Variants in DLST observed in about 807,000 individuals in gnomAD.
DLST encodes dihydrolipoyllysine-residue succinyltransferase component of 2-oxoglutarate dehydrogenase complex, mitochondrial.
Under a neutral mutation model 53.1 loss-of-function variants are expected in DLST, and 17 were observed. The observed-to-expected ratio is 0.32, with a 90% CI of 0.22 to 0.48. The LOEUF (loss-of-function observed/expected upper bound fraction) is 0.48, where lower values mean the gene tolerates loss of function less well. Among genes scored for constraint, DLST ranks in the 20% least tolerant of loss-of-function variants. The pLI, the probability that DLST is intolerant of heterozygous loss-of-function variation, is 0.99. For synonymous variants in DLST, 206 were observed against 204.8 expected, an observed-to-expected ratio of 1.01 and a Z score of -0.05; for missense variants, 512 against 583.9, an observed-to-expected ratio of 0.88 and a Z score of 1.27.
chr14:74,886,947 C>T (rs115034700), intron 3 of DLST, among the ~76,000 whole-genome samples: 1,629 of 152,010 alleles, frequency 0.011, 35 homozygotes, highest in African/African-American at 0.038. Context: ...TCTTGTTGGC[C>T]AGGCTGGTCT....
intron 10 of DLST, among the ~76,000 whole-genome samples, chr14:74,895,910 G>A (rs1273624537): frequency 6.6e-6 from 1 of 152,110 alleles, no homozygotes; most frequent in African/African-American, 2.4e-5. Context: ...AAAAAATTAT[G>A]TATGGTGGCA....
At chr14:74,882,739 A>G (rs950795696) in intron 2 of DLST, 115 bp downstream of exon 2, 7 of 932,538 alleles carry the variant, frequency 7.5e-6, no homozygotes, top group Non-Finnish European at 1.2e-5. Context: ...TGGTTCAGAG[A>G]GTAGTGAGAC....
rs747639579 is a variant in DLST at position 74,882,583 on chromosome 14, C to G, written c.64-8C>G. ...GGGTGACGTCGATAATGTCTTCTTT[C>G]TCAACAGGGGAACTGCCCTCTAGGG... On this transcript the variant is annotated splice_region_variant and splice_polypyrimidine_tract_variant and intron_variant, in intron 1 of 14. Coordinates refer to ENST00000334220, the MANE Select transcript of DLST (RefSeq NM_001933.5). 6.2e-7 allele frequency: 1 copy of G among 1,613,622 alleles called. No individual in the cohort carries two copies. Among genetic ancestry groups the G allele is most frequent in the African/African-American group, 1.3e-5 (1 of 74,960 alleles).
chr14:74,896,767 ACC>A (rs1042468165), intron 10 of DLST, among the ~76,000 whole-genome samples: 1 of 152,248 alleles, frequency 6.6e-6, no homozygotes, highest in African/African-American at 2.4e-5. Flanking sequence ...TTGAAATTCT[ACC>A]CAGTTTCTTA....
At chr14:74,900,933 C>A in intron 13 of DLST, 133 bp from the exon 14 acceptor site, 1 of 895,190 alleles carries the variant, frequency 1.1e-6, no homozygotes, top group Non-Finnish European at 1.7e-6. Flanking sequence ...ACTATGTTGC[C>A]CAGGTTGGCC....
intron 2 of DLST, among the ~76,000 whole-genome samples, chr14:74,883,842 A>G (rs1883615540): frequency 6.6e-6 from 1 of 152,228 alleles, no homozygotes; most frequent in Admixed American, 6.5e-5. Flanking sequence ...TCAACAGATC[A>G]TTTATTGAGT....
intron 4 of DLST, 33 bp downstream of exon 4, chr14:74,889,180 AT>A: frequency 6.2e-7 from 1 of 1,612,916 alleles, no homozygotes; most frequent in Non-Finnish European, 8.5e-7. Flanking sequence ...ATGGAATTTT[AT>A]GGGAAGAGCA....
intron 2 of DLST, among the ~76,000 whole-genome samples, chr14:74,885,244 C>T (rs1374241809): frequency 6.6e-6 from 1 of 152,080 alleles, no homozygotes; most frequent in Non-Finnish European, 1.5e-5. Context: ...GAAGACTTGG[C>T]GAGTAGAGAC....
chr14:74,893,593 T>C (rs1484240063), intron 9 of DLST, among the ~76,000 whole-genome samples, 169 bp downstream of exon 9: 1 of 152,230 alleles, frequency 6.6e-6, no homozygotes, highest in Non-Finnish European at 1.5e-5. Flanking sequence ...CATCAAATGA[T>C]AGGACTAGAA....
chr14:74,883,505 G>A (rs1883602990), intron 2 of DLST, among the ~76,000 whole-genome samples: 1 of 151,328 alleles, frequency 6.6e-6, no homozygotes, highest in Non-Finnish European at 1.5e-5. Flanking sequence ...GACTGAAGGA[G>A]TTTAGATTTT....
At chr14:74,885,928 A>G in intron 3 of DLST, 1 of 298,424 alleles carries the variant, frequency 3.4e-6, no homozygotes, top group Non-Finnish European at 6.2e-6. Context: ...GTGCTCCTAG[A>G]TATTCTGTTT....
chr14:74,887,611 G>A (rs1160829852), intron 3 of DLST, among the ~76,000 whole-genome samples: 1 of 152,102 alleles, frequency 6.6e-6, no homozygotes, highest in Non-Finnish European at 1.5e-5. Flanking sequence ...AATTCAAAAA[G>A]TAAAAAGGGT....
chr14:74,891,658 C>T (rs527845698), intron 7 of DLST: 44 of 984,868 alleles, frequency 4.5e-5, no homozygotes, highest in Middle Eastern at 1.0e-3. Flanking sequence ...AAATGAGAAA[C>T]GAATTTGTAC....
At position 74,894,935 on chromosome 14, in the gene DLST, ACCTTAG is replaced by A. The variant is rs1296668412; in HGVS notation, c.770+531_770+536del. On this transcript the variant is annotated intron_variant, in intron 10 of 14. Transcript: ENST00000334220. Reference sequence around the variant, plus strand: ...TATGCCTGCCTCCTCCATGACCTTAACCTTAGCCTTGGCTAGGTGTAGTGGCTCACA... The same window carrying A: ...TATGCCTGCCTCCTCCATGACCTTAACCTTGGCTAGGTGTAGTGGCTCACA... Among the ~76,000 whole-genome samples the A allele has an allele frequency of 1.7e-4, 26 of 151,488 alleles. 1 individual carries two copies. Among genetic ancestry groups the A allele is most frequent in the African/African-American group, 6.0e-4 (25 of 41,356 alleles).
intron 2 of DLST, among the ~76,000 whole-genome samples, chr14:74,882,877 G>T (rs548545811): frequency 2.0e-5 from 3 of 152,198 alleles, no homozygotes; most frequent in African/African-American, 7.2e-5. Flanking sequence ...TCTTGCCCTC[G>T]TGGAGCTCCT....
intron 10 of DLST, among the ~76,000 whole-genome samples, chr14:74,897,379 A>T (rs59875101): frequency 0.18 from 27,477 of 152,212 alleles, 2,711 homozygotes; most frequent in South Asian, 0.29. Context: ...GATAAAGTTA[A>T]ATTCAATTTT....
At chr14:74,902,117 A>G (rs1884268763) in intron 14 of DLST, 79 bp from the exon 15 acceptor site, 4 of 1,402,018 alleles carry the variant, frequency 2.9e-6, no homozygotes, top group East Asian at 2.6e-5. Context: ...GAACTTTCTT[A>G]TGGGCTGTGC....
At chr14:74,891,315 G>A in intron 7 of DLST, 148 bp downstream of exon 7, 1 of 1,426,638 alleles carries the variant, frequency 7.0e-7, no homozygotes, top group Admixed American at 2.8e-5. Context: ...TTTATATATA[G>A]TGTGAACTTC....
rs747639579 is a variant in DLST, at chr14:74,882,583, C to T, written c.64-8C>T. Reference sequence around the variant, plus strand: ...GGGTGACGTCGATAATGTCTTCTTTCTCAACAGGGGAACTGCCCTCTAGGG... The same window carrying T: ...GGGTGACGTCGATAATGTCTTCTTTTTCAACAGGGGAACTGCCCTCTAGGG... On this transcript the variant is annotated splice_region_variant and splice_polypyrimidine_tract_variant and intron_variant, in intron 1 of 14. Transcript: ENST00000334220. 1.2e-6 allele frequency: 2 copies of T among 1,613,622 alleles called. No homozygotes were observed. Among genetic ancestry groups the T allele is most frequent in the Non-Finnish European group, 1.7e-6 (2 of 1,179,804 alleles).
Sources: allele counts gnomAD v4.1 joint callset (sites outside exome capture counted in the v4.1 genomes callset), GRCh38; gene constraint gnomAD v4.1.1; transcripts MANE v1.5; gene names NCBI Gene and HGNC (gene_info 2026-07-23, HGNC 2026-07-21).